Variants in NRG3 observed in about 807,000 individuals in gnomAD.
NRG3 encodes neuregulin 3.
NRG3 carries 31 observed loss-of-function variants against 66.9 expected under a neutral mutation model. The ratio of observed to expected loss-of-function variants is 0.46; its 90% confidence interval spans 0.35 to 0.63. NRG3 has a LOEUF of 0.63. Among genes scored for constraint, NRG3 ranks in the 20% least tolerant of loss-of-function variants. NRG3 has a pLI of 0.00. For missense variants in NRG3, 910 were observed against 878.9 expected (o/e 1.04, Z -0.45); for synonymous variants, 393 against 359.4 (o/e 1.09, Z -1.06).
chr10:82,883,040 C>T (rs568189921), intron 4 of NRG3, among the ~76,000 whole-genome samples: 2 of 152,150 alleles, frequency 1.3e-5, no homozygotes, highest in Non-Finnish European at 2.9e-5. Context: ...CAAGCATACC[C>T]TTTCTCTAAA....
chr10:82,332,090 A>G (rs891429556), intron 1 of NRG3, among the ~76,000 whole-genome samples: 3 of 152,228 alleles, frequency 2.0e-5, no homozygotes, highest in Non-Finnish European at 2.9e-5. Context: ...CTGTCACCCA[A>G]AGGGAATCAT....
chr10:81,929,079 G>T (rs1174465483), intron 1 of NRG3, among the ~76,000 whole-genome samples: 1 of 152,186 alleles, frequency 6.6e-6, no homozygotes, highest in African/African-American at 2.4e-5. Context: ...CTCCCACCTT[G>T]ACCTCCCAAA....
chr10:82,261,264 C>G (rs112983818), intron 1 of NRG3, among the ~76,000 whole-genome samples: 14 of 152,248 alleles, frequency 9.2e-5, no homozygotes, highest in South Asian at 8.3e-4. Flanking sequence ...AGGGGCGCCA[C>G]CCGCTTCACT....
At chr10:81,958,110 C>A (rs1430447332) in intron 1 of NRG3, among the ~76,000 whole-genome samples, 1 of 152,062 alleles carries the variant, frequency 6.6e-6, no homozygotes, top group East Asian at 1.9e-4. Flanking sequence ...ACAGCCCTGG[C>A]AATTGTTTTG....
intron 3 of NRG3, among the ~76,000 whole-genome samples, chr10:82,755,632 C>T (rs572260278): frequency 3.3e-5 from 5 of 152,190 alleles, no homozygotes; most frequent in South Asian, 2.1e-4. Flanking sequence ...AGAATTCTTC[C>T]AACCAAAGGA....
At chr10:82,381,279 ATCT>A (rs1293284928) in intron 2 of NRG3, among the ~76,000 whole-genome samples, 1 of 152,152 alleles carries the variant, frequency 6.6e-6, no homozygotes, top group African/African-American at 2.4e-5. Context: ...ATGATTAAAG[ATCT>A]TCTTTAAGAA....
At chr10:82,803,160 T>C (rs925283238) in intron 3 of NRG3, among the ~76,000 whole-genome samples, 1 of 152,172 alleles carries the variant, frequency 6.6e-6, no homozygotes, top group African/African-American at 2.4e-5. Flanking sequence ...CTATACTTCC[T>C]GTAGATGATC....
chr10:82,781,826 G>T (rs138955643), intron 3 of NRG3, among the ~76,000 whole-genome samples: 7 of 151,982 alleles, frequency 4.6e-5, no homozygotes, highest in Non-Finnish European at 8.8e-5. Context: ...CACATGGGCC[G>T]TAAGGAAGTA....
At position 82,364,100 on chromosome 10, in the gene NRG3, C is replaced by A. The variant is rs535161921; in HGVS notation, c.953+5232C>A. On this transcript the variant is annotated intron_variant, in intron 2 of 8. Coordinates refer to ENST00000372141, the MANE Select transcript of NRG3 (RefSeq NM_001010848.4). ...ACACATATATTTCATTTATGTAACA[C>A]CCGGTTAAGAGAGTTGACTCCTGCC... Among the ~76,000 whole-genome samples, 29 of 152,126 alleles carry A rather than the reference C, an allele frequency of 1.9e-4. No homozygotes were observed. The South Asian group carries it at 6.0e-3, about 32-fold the overall frequency.
chr10:82,960,562 A>G (rs1470130057), intron 6 of NRG3, among the ~76,000 whole-genome samples: 1 of 151,916 alleles, frequency 6.6e-6, no homozygotes, highest in African/African-American at 2.4e-5. Context: ...TCTGAGCCCA[A>G]GCTAAGCCAT....
chr10:82,621,944 T>C (rs1486585537), intron 2 of NRG3, among the ~76,000 whole-genome samples: 1 of 152,160 alleles, frequency 6.6e-6, no homozygotes, highest in Non-Finnish European at 1.5e-5. Flanking sequence ...AAGGCTTCAC[T>C]TTTCCTACCT....
Position 82,624,661 on chromosome 10 carries a change from G to T in NRG3, c.954-113916G>T, listed in dbSNP as rs1336395356. Among the ~76,000 whole-genome samples the T allele has an allele frequency of 3.3e-5, 5 of 149,700 alleles. No homozygotes were observed. The Admixed American group carries it at 3.3e-4, about 10-fold the overall frequency. ...TCCAGGAAATTATAAGTCTATATTT[G>T]CTATGGTTTCTACCATTAAATATAT... On this transcript the variant is annotated intron_variant, in intron 2 of 8. Coordinates refer to ENST00000372141, the MANE Select transcript of NRG3 (RefSeq NM_001010848.4).
intron 3 of NRG3, among the ~76,000 whole-genome samples, chr10:82,766,967 T>C (rs1015689096): frequency 6.7e-6 from 1 of 150,272 alleles, no homozygotes; most frequent in Non-Finnish European, 1.5e-5. Flanking sequence ...CGAAGACTAA[T>C]CACCTTAATA....
intron 1 of NRG3, among the ~76,000 whole-genome samples, chr10:82,115,954 C>T (rs1180110595): frequency 6.6e-6 from 1 of 152,046 alleles, no homozygotes; most frequent in East Asian, 1.9e-4. Flanking sequence ...TGTGCATTTA[C>T]CACAACTTTG....
intron 1 of NRG3, among the ~76,000 whole-genome samples, chr10:82,181,946 A>G (rs1017026051): frequency 4.6e-5 from 7 of 151,762 alleles, no homozygotes; most frequent in Non-Finnish European, 8.9e-5. Context: ...TATTGTATAC[A>G]TATGTATTTA....
intron 4 of NRG3, among the ~76,000 whole-genome samples, chr10:82,914,348 C>A (rs1222325586): frequency 1.3e-5 from 2 of 151,866 alleles, no homozygotes; most frequent in East Asian, 1.9e-4. Flanking sequence ...TTTTAGCATA[C>A]CTTGTAGTTT....
At chr10:81,926,949 A>G (rs2132939703) in intron 1 of NRG3, among the ~76,000 whole-genome samples, 1 of 152,320 alleles carries the variant, frequency 6.6e-6, no homozygotes, top group Non-Finnish European at 1.5e-5. Context: ...AAGTGCATAA[A>G]GGGCCGAGCA....
intron 1 of NRG3, among the ~76,000 whole-genome samples, chr10:82,326,904 T>C (rs1259947947): frequency 1.3e-5 from 2 of 152,132 alleles, no homozygotes; most frequent in African/African-American, 4.8e-5. Context: ...ACAAATTAGC[T>C]ATGTCAAAAA....
chr10:82,651,749 T>G (rs596990), intron 2 of NRG3, among the ~76,000 whole-genome samples: 113,521 of 152,080 alleles, frequency 0.75, 42,586 homozygotes, highest in African/African-American at 0.78. Context: ...CGTGTAATGG[T>G]TGGAGGCCAT....
Sources: allele counts gnomAD v4.1 joint callset (sites outside exome capture counted in the v4.1 genomes callset), GRCh38; gene constraint gnomAD v4.1.1; transcripts MANE v1.5; gene names NCBI Gene and HGNC (gene_info 2026-07-23, HGNC 2026-07-21).